Variants in CADPS2 observed in about 807,000 individuals in gnomAD.
CADPS2 encodes the protein calcium dependent secretion activator 2, also known as calcium-dependent secretion activator 2.
Under a neutral mutation model 172.5 loss-of-function variants are expected in CADPS2, and 93 were observed. The ratio of observed to expected loss-of-function variants is 0.54; its 90% CI spans 0.46 to 0.64. The LOEUF (loss-of-function observed/expected upper bound fraction) is 0.64, where lower values mean the gene tolerates loss of function less well. Ranked by LOEUF, CADPS2 falls within the 30% of genes least tolerant of loss-of-function variation. CADPS2 has a pLI of 0.00. For synonymous variants in CADPS2, 546 were observed against 555.2 expected (o/e 0.98, Z 0.23); for missense variants, 1,420 against 1,565.9 (o/e 0.91, Z 1.57).
chr7:122,397,914 G>A (rs1349357676), intron 20 of CADPS2, among the ~76,000 whole-genome samples: 1 of 152,100 alleles, frequency 6.6e-6, no homozygotes, highest in Admixed American at 6.5e-5. Flanking sequence ...ACCGCCTGAG[G>A]GGAAAGCCAG....
chr7:122,770,701 C>A (rs2093683043), intron 1 of CADPS2, among the ~76,000 whole-genome samples: 2 of 152,170 alleles, frequency 1.3e-5, no homozygotes, highest in Admixed American at 1.3e-4. Context: ...CATGGCCCAG[C>A]TTCTGCATGC....
chr7:122,433,308 C>T (rs982121270), intron 17 of CADPS2, among the ~76,000 whole-genome samples: 75 of 152,036 alleles, frequency 4.9e-4, no homozygotes, highest in African/African-American at 1.4e-3. Flanking sequence ...TCTAAAAAAC[C>T]CCTATCTTCT....
At chr7:122,369,163 G>A (rs918790796) in intron 25 of CADPS2, among the ~76,000 whole-genome samples, 5 of 81,904 alleles carry the variant, frequency 6.1e-5, no homozygotes, top group South Asian at 3.7e-4. Flanking sequence ...TTTGAGTCTC[G>A]CTCTGTCGCC....
intron 28 of CADPS2, among the ~76,000 whole-genome samples, chr7:122,326,959 A>G (rs1469208559): frequency 6.6e-6 from 1 of 152,096 alleles, no homozygotes; most frequent in African/African-American, 2.4e-5. Context: ...TAGCAATCAA[A>G]TGGATAAATA....
intron 1 of CADPS2, among the ~76,000 whole-genome samples, chr7:122,884,502 T>C (rs907444521): frequency 6.6e-6 from 1 of 152,196 alleles, no homozygotes; most frequent in Non-Finnish European, 1.5e-5. Context: ...ATTTCTCTTC[T>C]CCAACATGAG....
chr7:122,645,457 ATATATGT>A lies in CADPS2; in HGVS notation c.787-16136_787-16130del, dbSNP rs1563949772. ...TATGTATATATACACACACATATGT[ATATATGT>A]GTATATATGTATATATATTTAGCGT... On this transcript the variant is annotated intron_variant, in intron 3 of 29. Coordinates refer to ENST00000449022, the MANE Select transcript of CADPS2 (RefSeq NM_017954.11). Among the ~76,000 whole-genome samples, 101 of 98,382 alleles carry A rather than the reference ATATATGT, an allele frequency of 1.0e-3. 4 individuals carry two copies. Among genetic ancestry groups the A allele is most frequent in the Non-Finnish European group, 1.4e-3 (61 of 43,134 alleles). The allele number at this position is 98,382 out of a possible 152,430, so 64.5% of individuals were successfully genotyped here.
intron 15 of CADPS2, among the ~76,000 whole-genome samples, chr7:122,444,761 T>C (rs914238751): frequency 6.6e-6 from 1 of 152,228 alleles, no homozygotes; most frequent in Admixed American, 6.5e-5. Context: ...CTTTTTATTC[T>C]AACAATGTCT....
chr7:122,876,177 G>A (rs1047973365), intron 1 of CADPS2, among the ~76,000 whole-genome samples: 10 of 151,904 alleles, frequency 6.6e-5, no homozygotes, highest in Admixed American at 1.3e-4. Flanking sequence ...AAAATTAGCC[G>A]GGTGTGGTGG....
chr7:122,615,922 A>T (rs982249970), intron 5 of CADPS2, among the ~76,000 whole-genome samples: 17 of 152,144 alleles, frequency 1.1e-4, no homozygotes, highest in African/African-American at 3.6e-4. Flanking sequence ...TCCATTAAAG[A>T]TATGTACTAA....
At chr7:122,741,496 C>T (rs1309131091) in intron 1 of CADPS2, among the ~76,000 whole-genome samples, 1 of 152,156 alleles carries the variant, frequency 6.6e-6, no homozygotes, top group Non-Finnish European at 1.5e-5. Flanking sequence ...ACCTTAAATC[C>T]TATCCTACAC....
At chr7:122,380,805 C>G (rs1478244517) in intron 24 of CADPS2, among the ~76,000 whole-genome samples, 1 of 151,984 alleles carries the variant, frequency 6.6e-6, no homozygotes, top group East Asian at 1.9e-4. Context: ...TCACTTAAAG[C>G]CTTTATTGAT....
chr7:122,761,469 A>T (rs2093376082), intron 1 of CADPS2, among the ~76,000 whole-genome samples: 1 of 152,038 alleles, frequency 6.6e-6, no homozygotes, highest in African/African-American at 2.4e-5. Context: ...AATCCCCTTA[A>T]CTCTTACAAA....
chr7:122,323,873 T>TA (rs2033167694), intron 29 of CADPS2, among the ~76,000 whole-genome samples: 8 of 112,524 alleles, frequency 7.1e-5, no homozygotes, highest in Non-Finnish European at 1.2e-4. Flanking sequence ...TATGTATATT[T>TA]TATATATATA....
chr7:122,584,938 C>T (rs989058743), intron 6 of CADPS2, among the ~76,000 whole-genome samples: 2 of 151,688 alleles, frequency 1.3e-5, no homozygotes, highest in African/African-American at 4.8e-5. Flanking sequence ...TCCATGAGTG[C>T]TCACAAAGAA....
In CADPS2 at chr7:122,817,868, G is replaced by A. The variant is rs186468758; in HGVS notation, c.339+68131C>T. Reference sequence around the variant, plus strand: ...CCCCAATCCCTTATTTCCATGCCCCGACCTCTTATCTCTGCGCCCCAATCC... The same window carrying A: ...CCCCAATCCCTTATTTCCATGCCCCAACCTCTTATCTCTGCGCCCCAATCC... On this transcript the variant is annotated intron_variant, in intron 1 of 29. Coordinates refer to ENST00000449022, the MANE Select transcript of CADPS2 (RefSeq NM_017954.11). Among the ~76,000 whole-genome samples the A allele has an allele frequency of 3.2e-3, 442 of 138,808 alleles. 3 individuals carry two copies. The highest frequency in any genetic ancestry group is 0.011 in the African/African-American group (403 of 36,452). The allele number at this position is 138,808 out of a possible 152,430, so 91.1% of individuals were successfully genotyped here.
At chr7:122,544,338 A>C (rs1185566746) in intron 8 of CADPS2, among the ~76,000 whole-genome samples, 2 of 152,218 alleles carry the variant, frequency 1.3e-5, no homozygotes, top group Non-Finnish European at 2.9e-5. Flanking sequence ...TTGATGTATA[A>C]TAGAAAAAAT....
chr7:122,613,695 A>G (rs975974657), intron 6 of CADPS2, among the ~76,000 whole-genome samples: 1 of 150,878 alleles, frequency 6.6e-6, no homozygotes, highest in African/African-American at 2.4e-5. Flanking sequence ...TTTTCTTGAG[A>G]TGATGAGCAT....
intron 3 of CADPS2, among the ~76,000 whole-genome samples, chr7:122,651,286 G>A (rs2079123173): frequency 6.6e-6 from 1 of 150,842 alleles, no homozygotes; most frequent in African/African-American, 2.4e-5. Flanking sequence ...GAAGACAGTG[G>A]TGGAAGTCAG....
At chr7:122,382,836 T>C (rs2043182908) in intron 24 of CADPS2, among the ~76,000 whole-genome samples, 1 of 151,956 alleles carries the variant, frequency 6.6e-6, no homozygotes, top group African/African-American at 2.4e-5. Context: ...TGAGAAAAGG[T>C]AATGCTTATA....
Sources: gnomAD v4.1 joint callset for allele counts (sites outside exome capture counted in the v4.1 genomes callset) on GRCh38, gnomAD v4.1.1 for gene constraint, MANE v1.5 for transcripts, NCBI Gene and HGNC (gene_info 2026-07-23, HGNC 2026-07-21) for gene names.